ZNF804A: variants seen among roughly 807,000 people sequenced by gnomAD.
ZNF804A encodes zinc finger protein 804A.
Under a neutral mutation model 16.5 loss-of-function variants are expected in ZNF804A, and 2 were observed. That is an observed-to-expected ratio of 0.12 (90% CI 0.05 to 0.38). The LOEUF (loss-of-function observed/expected upper bound fraction) is 0.38. Ranked by LOEUF, ZNF804A falls within the 10% of genes least tolerant of loss-of-function variation. ZNF804A has a pLI of 0.99. For missense variants in ZNF804A, 1,473 were observed against 1,390.7 expected, an observed-to-expected ratio of 1.06 and a Z score of -0.94; for synonymous variants, 534 against 489.6, an observed-to-expected ratio of 1.09 and a Z score of -1.20.
At chr2:184,736,810 T>C (rs1559138241) in intron 1 of ZNF804A, among the ~76,000 whole-genome samples, 1 of 151,700 alleles carries the variant, frequency 6.6e-6, no homozygotes. Flanking sequence ...CATTTATAAA[T>C]AATAAGTTTT....
intron 1 of ZNF804A, among the ~76,000 whole-genome samples, chr2:184,635,627 T>C (rs907263407): frequency 6.6e-6 from 1 of 152,148 alleles, no homozygotes; most frequent in Non-Finnish European, 1.5e-5. Flanking sequence ...AGTATCATAT[T>C]AGTTTTTGAA....
intron 1 of ZNF804A, among the ~76,000 whole-genome samples, chr2:184,736,501 C>T (rs931873664): frequency 2.0e-5 from 3 of 152,004 alleles, no homozygotes; most frequent in Admixed American, 6.6e-5. Flanking sequence ...AACACAGGAA[C>T]AGGAAACCAA....
intron 1 of ZNF804A, among the ~76,000 whole-genome samples, chr2:184,795,683 A>G (rs1260292190): frequency 6.6e-6 from 1 of 152,134 alleles, no homozygotes; most frequent in Non-Finnish European, 1.5e-5. Context: ...ATCAAGTTTA[A>G]CCAAGAAAAG....
intron 1 of ZNF804A, among the ~76,000 whole-genome samples, chr2:184,615,104 C>G (rs192709536): frequency 1.3e-5 from 2 of 152,176 alleles, no homozygotes; most frequent in African/African-American, 4.8e-5. Flanking sequence ...TATTGCAGCA[C>G]TATTCACAAT....
At chr2:184,808,835 A>G (rs1404534800) in intron 1 of ZNF804A, among the ~76,000 whole-genome samples, 2 of 151,810 alleles carry the variant, frequency 1.3e-5, no homozygotes, top group African/African-American at 4.8e-5. Flanking sequence ...TTTTATTTTA[A>G]TTTTCTACAT....
intron 1 of ZNF804A, among the ~76,000 whole-genome samples, chr2:184,797,354 G>C (rs1378592398): frequency 6.6e-6 from 1 of 152,068 alleles, no homozygotes; most frequent in Non-Finnish European, 1.5e-5. Flanking sequence ...TTTCCTGTTG[G>C]AGAAGGCTTT....
intron 1 of ZNF804A, among the ~76,000 whole-genome samples, chr2:184,751,576 A>G (rs193197054): frequency 1.2e-3 from 182 of 151,612 alleles, no homozygotes; most frequent in African/African-American, 4.1e-3. Flanking sequence ...AAGGCAACAT[A>G]CAAGGATTCA....
chr2:184,601,783 T>A (rs1691052675), intron 1 of ZNF804A, among the ~76,000 whole-genome samples: 2 of 151,942 alleles, frequency 1.3e-5, no homozygotes, highest in Admixed American at 1.3e-4. Context: ...ACTTTAAACA[T>A]AAAATTACTC....
At chr2:184,613,579 T>C (rs536140812) in intron 1 of ZNF804A, among the ~76,000 whole-genome samples, 7 of 152,128 alleles carry the variant, frequency 4.6e-5, no homozygotes, top group African/African-American at 1.4e-4. Flanking sequence ...AAATTAAAAA[T>C]TAATAAAAAG....
At chr2:184,734,461 A>T (rs1693577484) in intron 1 of ZNF804A, among the ~76,000 whole-genome samples, 1 of 152,146 alleles carries the variant, frequency 6.6e-6, no homozygotes, top group Non-Finnish European at 1.5e-5. Context: ...ACCTCTAAAT[A>T]TTTTGGGATT....
chr2:184,662,667 G>A (rs1692192776), intron 1 of ZNF804A, among the ~76,000 whole-genome samples: 1 of 152,156 alleles, frequency 6.6e-6, no homozygotes, highest in African/African-American at 2.4e-5. Context: ...AATTTTAATG[G>A]TTATGTGAAA....
chr2:184,856,362 AT>A (rs1695686938), intron 1 of ZNF804A, among the ~76,000 whole-genome samples: 1 of 151,984 alleles, frequency 6.6e-6, no homozygotes, highest in Non-Finnish European at 1.5e-5. Flanking sequence ...AAAAAAAAAA[AT>A]GATGTACAGT....
chr2:184,842,525 A>ATTT (rs1469192038), intron 1 of ZNF804A, among the ~76,000 whole-genome samples: 130 of 150,920 alleles, frequency 8.6e-4, no homozygotes, highest in African/African-American at 2.7e-3. Context: ...TTTTTTTTTA[A>ATTT]AAAAAAAGGA....
chr2:184,611,058 G>A (rs932932687), intron 1 of ZNF804A, among the ~76,000 whole-genome samples: 1 of 152,228 alleles, frequency 6.6e-6, no homozygotes, highest in East Asian at 1.9e-4. Flanking sequence ...TAGAGGCTGG[G>A]AATTCCAAGA....
intron 2 of ZNF804A, among the ~76,000 whole-genome samples, chr2:184,869,000 G>GCT (rs1263237392): frequency 1.2e-4 from 19 of 152,088 alleles, no homozygotes; most frequent in African/African-American, 4.3e-4. Flanking sequence ...AATCCAAAAT[G>GCT]CTCTAAAGTT....
At chr2:184,698,750 A>G (rs1423770023) in intron 1 of ZNF804A, among the ~76,000 whole-genome samples, 1 of 152,104 alleles carries the variant, frequency 6.6e-6, no homozygotes, top group African/African-American at 2.4e-5. Flanking sequence ...AGAGTTGGCT[A>G]TATACTTAGC....
At chr2:184,650,262 C>T (rs7608194) in intron 1 of ZNF804A, among the ~76,000 whole-genome samples, 67,361 of 151,908 alleles carry the variant, frequency 0.44, 16,093 homozygotes, top group African/African-American at 0.62. Flanking sequence ...TCCGAAATCC[C>T]TTCATGATAA....
At chr2:184,670,207 T>G (rs1157829825) in intron 1 of ZNF804A, among the ~76,000 whole-genome samples, 2 of 152,096 alleles carry the variant, frequency 1.3e-5, no homozygotes. Context: ...TATTTTTTTC[T>G]GTTTATTCTG....
At chr2:184,671,890 T>C (rs1692343675) in intron 1 of ZNF804A, among the ~76,000 whole-genome samples, 1 of 152,206 alleles carries the variant, frequency 6.6e-6, no homozygotes, top group South Asian at 2.1e-4. Flanking sequence ...TTGTTCTTTT[T>C]CTAAAATAAT....
Sources: gnomAD v4.1 joint callset for allele counts (sites outside exome capture counted in the v4.1 genomes callset) on GRCh38, gnomAD v4.1.1 for gene constraint, MANE v1.5 for transcripts, NCBI Gene and HGNC (gene_info 2026-07-23, HGNC 2026-07-21) for gene names.